CACNA1E: variants seen among roughly 807,000 people sequenced by gnomAD.
The protein encoded by CACNA1E is calcium voltage-gated channel subunit alpha1 E, also known as voltage-dependent R-type calcium channel subunit alpha-1E.
In CACNA1E, 40 loss-of-function variants were observed where a neutral mutation model predicts 259.2. The ratio of observed to expected loss-of-function variants is 0.15; its 90% CI spans 0.12 to 0.20. The LOEUF (loss-of-function observed/expected upper bound fraction) is 0.20. Among genes scored for constraint, CACNA1E ranks in the 10% least tolerant of loss-of-function variants. The probability of loss-of-function intolerance (pLI) is 1.00; values close to 1 mark genes in which losing one functional copy is unlikely to be tolerated. For synonymous variants in CACNA1E, 1,104 were observed against 1,138.5 expected, an observed-to-expected ratio of 0.97 and a Z score of 0.61; for missense variants, 1,874 against 3,040.1, an observed-to-expected ratio of 0.62 and a Z score of 9.02.
intron 6 of CACNA1E, among the ~76,000 whole-genome samples, chr1:181,623,568 G>A (rs199952): frequency 0.73 from 110,145 of 151,640 alleles, 41,595 homozygotes; most frequent in East Asian, 0.95. Context: ...CAATATATGG[G>A]CATACCTTGG....
intron 7 of CACNA1E, among the ~76,000 whole-genome samples, chr1:181,662,292 T>C (rs1160308583): frequency 6.6e-6 from 1 of 152,202 alleles, no homozygotes; most frequent in Admixed American, 6.5e-5. Flanking sequence ...CTTGTTACAG[T>C]GGAGGAAACT....
At chr1:181,741,696 G>A (rs977446505) in intron 25 of CACNA1E, among the ~76,000 whole-genome samples, 3 of 152,190 alleles carry the variant, frequency 2.0e-5, no homozygotes, top group African/African-American at 4.8e-5. Flanking sequence ...GAGACCCAGA[G>A]CAGTGATGAT....
intron 1 of CACNA1E, among the ~76,000 whole-genome samples, chr1:181,357,677 G>A (rs1489992294): frequency 6.6e-6 from 1 of 152,172 alleles, no homozygotes; most frequent in Non-Finnish European, 1.5e-5. Context: ...AACCATCACT[G>A]TTCAATTTAG....
At chr1:181,616,632 T>C (rs371016311) in intron 6 of CACNA1E, among the ~76,000 whole-genome samples, 1 of 152,106 alleles carries the variant, frequency 6.6e-6, no homozygotes, top group Non-Finnish European at 1.5e-5. Context: ...GAGAATTGCC[T>C]GAACTGGGGA....
chr1:181,595,595 G>C (rs983243718), intron 6 of CACNA1E, among the ~76,000 whole-genome samples: 2 of 152,142 alleles, frequency 1.3e-5, no homozygotes, highest in Admixed American at 1.3e-4. Flanking sequence ...TTCCTTGGCA[G>C]ATTGCACTGG....
At chr1:181,413,800 T>C (rs1658062295) in intron 2 of CACNA1E, among the ~76,000 whole-genome samples, 1 of 152,180 alleles carries the variant, frequency 6.6e-6, no homozygotes, top group Admixed American at 6.5e-5. Flanking sequence ...CACTGAGGCG[T>C]TCAGCTGTCA....
chr1:181,677,555 G>A (rs1427174996), intron 7 of CACNA1E, among the ~76,000 whole-genome samples: 1 of 152,176 alleles, frequency 6.6e-6, no homozygotes, highest in African/African-American at 2.4e-5. Flanking sequence ...CTTGGCTAGT[G>A]TGCAATTTCC....
chr1:181,790,477 C>T lies in CACNA1E; in HGVS notation c.5819C>T (p.Pro1940Leu). Residue 1940 changes from proline (P) to leucine (L), a missense_variant, in exon 44 of 48, where the codon CCA becomes CTA. Physicochemically the swap from Pro to Leu is moderately conservative, Grantham distance 98. This residue lies in a region of CACNA1E where 542 missense variants were observed against 587.2 expected (regional missense o/e 0.92). Coordinates refer to ENST00000367573, the MANE Select transcript of CACNA1E (RefSeq NM_001205293.3). ...CGGAGTGGATACCCTTCGATGAGTCCACTCTCTCCCCAGGATATATTCCAG... is the reference window on the plus strand; with the variant it reads ...CGGAGTGGATACCCTTCGATGAGTCTACTCTCTCCCCAGGATATATTCCAG... ...SGRSGYPSMS[P>L]LSPQDIFQLA... The T allele has an allele frequency of 6.2e-7, 1 of 1,613,276 alleles. No homozygotes were observed. Among genetic ancestry groups the T allele is most frequent in the Non-Finnish European group, 8.5e-7 (1 of 1,179,346 alleles).
chr1:181,643,617 G>T (rs10910977), intron 6 of CACNA1E, among the ~76,000 whole-genome samples: 37,938 of 152,100 alleles, frequency 0.25, 5,349 homozygotes, highest in African/African-American at 0.38. Flanking sequence ...CCCTGGTCTC[G>T]GTAGCATCGT....
intron 6 of CACNA1E, among the ~76,000 whole-genome samples, chr1:181,581,201 A>G (rs1410813588): frequency 6.6e-6 from 1 of 152,124 alleles, no homozygotes; most frequent in Non-Finnish European, 1.5e-5. Context: ...AAAAAAGAAC[A>G]AAAAGAAAAG....
upstream of CACNA1E, among the ~76,000 whole-genome samples, chr1:181,481,903 G>C (rs1399485343): frequency 2.8e-4 from 42 of 152,158 alleles, no homozygotes; most frequent in Admixed American, 2.7e-3. Context: ...GTAAAGGATG[G>C]GGGGCGGGAG....
At chr1:181,607,708 T>C (rs1212979825) in intron 6 of CACNA1E, among the ~76,000 whole-genome samples, 1 of 152,164 alleles carries the variant, frequency 6.6e-6, no homozygotes, top group African/African-American at 2.4e-5. Context: ...CAAAGCTCCA[T>C]GAGAGTGTTG....
At chr1:181,577,624 C>A in intron 3 of CACNA1E, 142 bp from the exon 4 acceptor site, 1 of 525,608 alleles carries the variant, frequency 1.9e-6, no homozygotes, top group Non-Finnish European at 3.4e-6. Context: ...GGTGATTCAC[C>A]CAAGCTCAGG....
intron 2 of CACNA1E, among the ~76,000 whole-genome samples, chr1:181,435,457 C>T (rs1660029546): frequency 6.6e-6 from 1 of 152,190 alleles, no homozygotes; most frequent in South Asian, 2.1e-4. Flanking sequence ...GCTTTAGCCA[C>T]CCCCATAGAA....
chr1:181,792,566 A>G lies in CACNA1E; in HGVS notation c.5899-1099A>G, dbSNP rs559014112. Among the ~76,000 whole-genome samples the G allele has an allele frequency of 9.8e-5, 15 of 152,358 alleles. No homozygotes were observed. In the South Asian group the frequency reaches 2.1e-3, roughly 21 times the overall value. The stretch of plus-strand genomic sequence containing the variant: ...ACACTATAACTCCCTCAAGTGCACC[A>G]TAGCACATGTCTTGGGAAAGTACCC... On this transcript the variant is annotated intron_variant, in intron 44 of 47. Coordinates refer to ENST00000367573, the MANE Select transcript of CACNA1E (RefSeq NM_001205293.3).
chr1:181,438,271 A>T (rs1660223075), intron 2 of CACNA1E, among the ~76,000 whole-genome samples: 1 of 152,196 alleles, frequency 6.6e-6, no homozygotes, highest in South Asian at 2.1e-4. Context: ...TTTTGGTCTC[A>T]TAATGGCTCT....
At chr1:181,652,709 A>C (rs1467042374) in intron 7 of CACNA1E, among the ~76,000 whole-genome samples, 1 of 152,142 alleles carries the variant, frequency 6.6e-6, no homozygotes, top group African/African-American at 2.4e-5. Flanking sequence ...GGAACATTAG[A>C]ATCCCTGCCC....
At position 181,796,789 on chromosome 1, in the gene CACNA1E, C is replaced by T. The variant is rs1661845220; in HGVS notation, c.6330C>T (p.Asp2110=). 6.2e-7 allele frequency: 1 copy of T among 1,611,916 alleles called. No homozygotes were observed. The highest frequency in any genetic ancestry group is 1.3e-5 in the African/African-American group (1 of 74,898). Residue 2110 remains aspartate (D), a synonymous_variant, in exon 47 of 48, where the codon GAC becomes GAT. Transcript: ENST00000367573. ...CNSEERGTQA[D]WESPERRQSR... ...CAGAAGAGCGAGGGACCCAGGCTGA[C>T]TGGGAGTCCCCAGAGCGCCGTCAAT...
At position 181,739,262 on chromosome 1, in the gene CACNA1E, C is replaced by G. The variant is rs1656338619; in HGVS notation, c.3719+9C>G. 6.4e-7 allele frequency: 1 copy of G among 1,553,654 alleles called. No individual in the cohort carries two copies. Among genetic ancestry groups the G allele is most frequent in the Non-Finnish European group, 8.9e-7 (1 of 1,125,236 alleles). On this transcript the variant is annotated intron_variant, in intron 25 of 47. Transcript: ENST00000367573. ...GTGGCCTTTGCTCTGGCGTAAGTGA[C>G]TCTTTTCATATTTGATTCCCTTCCT...
Sources: allele counts gnomAD v4.1 joint callset (sites outside exome capture counted in the v4.1 genomes callset), GRCh38; gene constraint gnomAD v4.1.1; regional missense constraint gnomAD v4.1.1; transcripts MANE v1.5; gene names NCBI Gene and HGNC (gene_info 2026-07-23, HGNC 2026-07-21).